Variants in SHANK2 observed in about 807,000 individuals in gnomAD.
SHANK2 encodes the protein SH3 and multiple ankyrin repeat domains protein 2.
A neutral mutation model predicts 133.7 loss-of-function variants in SHANK2; 43 were observed. The ratio of observed to expected loss-of-function variants is 0.32; its 90% CI spans 0.25 to 0.41. The LOEUF (loss-of-function observed/expected upper bound fraction) is 0.41, where lower values mean the gene tolerates loss of function less well. Ranked by LOEUF, SHANK2 falls within the 10% of genes least tolerant of loss-of-function variation. The probability of loss-of-function intolerance (pLI) is 1.00; values close to 1 mark genes in which losing one functional copy is unlikely to be tolerated. For missense variants in SHANK2, 1,994 were observed against 2,235.8 expected (o/e 0.89, Z 2.18); for synonymous variants, 1,017 against 952.8 (o/e 1.07, Z -1.24).
chr11:70,911,705 C>T (rs768198606), intron 10 of SHANK2, among the ~76,000 whole-genome samples: 33 of 152,098 alleles, frequency 2.2e-4, no homozygotes, highest in Non-Finnish European at 3.8e-4. Context: ...TTCTATGGGC[C>T]AGGGAGTACA....
At chr11:71,138,089 C>T (rs1427939481) in intron 3 of SHANK2, among the ~76,000 whole-genome samples, 2 of 144,042 alleles carry the variant, frequency 1.4e-5, no homozygotes, top group Admixed American at 1.4e-4. Flanking sequence ...TACAGCAAAG[C>T]ACCCGAACAC....
rs141117039 is a variant in SHANK2 at position 70,598,528 on chromosome 11, T to C, written c.2061+61300A>G. 9.6e-4 allele frequency among the ~76,000 whole-genome samples: 146 copies of C among 152,242 alleles called. 1 individual carries two copies. In the East Asian group the frequency reaches 0.021, roughly 22 times the overall value. ...GAACACATAATTCTAACCCGAACAA[T>C]GTCTTCTGGAGAAAAAGAGAGAACA... On this transcript the variant is annotated intron_variant, in intron 17 of 25. Transcript: ENST00000601538.
intron 2 of SHANK2, among the ~76,000 whole-genome samples, chr11:71,199,677 C>T (rs562544785): frequency 1.3e-5 from 2 of 152,320 alleles, no homozygotes; most frequent in Admixed American, 6.5e-5. Context: ...CCAGTGGATG[C>T]CCTTGAAGCA....
At chr11:71,079,071 C>T (rs1449394442) in intron 8 of SHANK2, among the ~76,000 whole-genome samples, 4 of 152,240 alleles carry the variant, frequency 2.6e-5, no homozygotes, top group South Asian at 2.1e-4. Flanking sequence ...ACTAGGTGGT[C>T]GGTGTGACCT....
chr11:70,751,120 T>C (rs1198696661), intron 14 of SHANK2, among the ~76,000 whole-genome samples: 2 of 152,094 alleles, frequency 1.3e-5, no homozygotes, highest in African/African-American at 2.4e-5. Flanking sequence ...GACAGATCCA[T>C]AGAAATTATC....
At chr11:70,942,949 C>A (rs1413893401) in intron 10 of SHANK2, 4 of 450,778 alleles carry the variant, frequency 8.9e-6, no homozygotes, top group African/African-American at 2.0e-5. Context: ...GAAAGTGCAT[C>A]CCTCTCAAAG....
intron 14 of SHANK2, among the ~76,000 whole-genome samples, chr11:70,721,811 CG>C (rs1946080452): frequency 6.6e-6 from 1 of 152,238 alleles, no homozygotes; most frequent in African/African-American, 2.4e-5. Flanking sequence ...AAACTCTTTT[CG>C]CAAGAAGCAC....
At chr11:70,503,395 C>T (rs1234440294) in intron 17 of SHANK2, among the ~76,000 whole-genome samples, 1 of 152,190 alleles carries the variant, frequency 6.6e-6, no homozygotes, top group African/African-American at 2.4e-5. Flanking sequence ...AATTGCTTCT[C>T]ATGTATTCTG....
chr11:70,922,202 A>T (rs887621744), intron 10 of SHANK2, among the ~76,000 whole-genome samples: 16 of 152,200 alleles, frequency 1.1e-4, no homozygotes, highest in African/African-American at 3.9e-4. Context: ...GAAATTGGAA[A>T]ATTGGTCAAT....
chr11:70,844,055 G>A (rs1948957124), intron 11 of SHANK2, among the ~76,000 whole-genome samples: 1 of 152,076 alleles, frequency 6.6e-6, no homozygotes, highest in African/African-American at 2.4e-5. Context: ...TCCCATCTGA[G>A]TCCCCAAGGT....
At chr11:70,616,961 T>G (rs536042338) in intron 17 of SHANK2, among the ~76,000 whole-genome samples, 1 of 152,300 alleles carries the variant, frequency 6.6e-6, no homozygotes, top group Admixed American at 6.5e-5. Context: ...TGTGTGTATG[T>G]GTGTGAGACA....
chr11:70,496,765 C>A (rs891655485), intron 21 of SHANK2, among the ~76,000 whole-genome samples: 8 of 150,566 alleles, frequency 5.3e-5, no homozygotes, highest in African/African-American at 2.0e-4. Context: ...GGCTGCCCAG[C>A]CCTGGGCCCT....
chr11:70,509,749 C>A (rs1266797169), intron 17 of SHANK2, among the ~76,000 whole-genome samples: 1 of 151,538 alleles, frequency 6.6e-6, no homozygotes, highest in Non-Finnish European at 1.5e-5. Flanking sequence ...TGAGGCGGAG[C>A]CTTCGTGAAT....
rs1555114869 is a variant in SHANK2 at position 71,188,741 on chromosome 11, C to A, written c.-13+35956G>T. ...CCTCTCCTCATCTGCTGAGGGCCTG[C>A]CACGTCCCTGCACTGTGCTGGGTGC... On this transcript the variant is annotated intron_variant, in intron 2 of 25. Coordinates refer to ENST00000601538, the MANE Select transcript of SHANK2 (RefSeq NM_012309.5). The surrounding 1 kb of genome is among the most constrained non-coding windows in gnomAD (Gnocchi z 4.6). 6.6e-6 allele frequency among the ~76,000 whole-genome samples: 1 copy of A among 152,210 alleles called. No individual in the cohort carries two copies. Among genetic ancestry groups the A allele is most frequent in the African/African-American group, 2.4e-5 (1 of 41,446 alleles).
At chr11:71,167,117 A>G (rs1171508761) in intron 2 of SHANK2, among the ~76,000 whole-genome samples, 1 of 151,992 alleles carries the variant, frequency 6.6e-6, no homozygotes, top group Admixed American at 6.5e-5. Context: ...AAGGTCACAG[A>G]TCAACAGGAT....
rs557882792 is a variant in SHANK2, at chr11:70,811,923, T to C, written c.1494-4752A>G. On this transcript the variant is annotated intron_variant, in intron 12 of 25. Transcript: ENST00000601538. ...ACCCAAAGTTCAGAAAGATCTTGCC[T>C]GAAGCCCAGCTGAACACTTACTATC... Among the ~76,000 whole-genome samples, 4 of 152,362 alleles carry C rather than the reference T, an allele frequency of 2.6e-5. No individual in the cohort carries two copies. In the East Asian group the frequency reaches 7.7e-4, roughly 29 times the overall value.
intron 14 of SHANK2, among the ~76,000 whole-genome samples, chr11:70,782,714 C>A (rs1183960721): frequency 6.6e-6 from 1 of 152,166 alleles, no homozygotes; most frequent in African/African-American, 2.4e-5. Flanking sequence ...GGCAGAAGAC[C>A]CAAACTGGCG....
intron 8 of SHANK2, among the ~76,000 whole-genome samples, chr11:71,075,737 G>C (rs1951210262): frequency 6.6e-6 from 1 of 152,198 alleles, no homozygotes; most frequent in African/African-American, 2.4e-5. Flanking sequence ...GCCCTGCACT[G>C]CATCCACAGG....
chr11:70,605,984 T>C (rs563301475), intron 17 of SHANK2, among the ~76,000 whole-genome samples: 1 of 152,182 alleles, frequency 6.6e-6, no homozygotes, highest in South Asian at 2.1e-4. Context: ...TGGCATGAAG[T>C]ACCCTCAGTT....
Sources: allele counts gnomAD v4.1 joint callset (sites outside exome capture counted in the v4.1 genomes callset), GRCh38; gene constraint gnomAD v4.1.1; non-coding constraint Gnocchi (gnomAD v3.1); transcripts MANE v1.5; gene names NCBI Gene and HGNC (gene_info 2026-07-23, HGNC 2026-07-21).